RELL1: variants seen among roughly 807,000 people sequenced by gnomAD.
The protein encoded by RELL1 is RELT like 1.
Under a neutral mutation model 23.0 loss-of-function variants are expected in RELL1, and 10 were observed. The observed-to-expected ratio is 0.43, with a 90% confidence interval of 0.27 to 0.74. The LOEUF (loss-of-function observed/expected upper bound fraction) is 0.74. Ranked by LOEUF, RELL1 falls within the 30% of genes least tolerant of loss-of-function variation. The probability of loss-of-function intolerance (pLI) is 0.19; values close to 1 mark genes in which losing one functional copy is unlikely to be tolerated. For synonymous variants in RELL1, 146 were observed against 146.8 expected, an observed-to-expected ratio of 0.99 and a Z score of 0.04; for missense variants, 315 against 364.4, an observed-to-expected ratio of 0.86 and a Z score of 1.10.
At chr4:37,634,483 G>C (rs1720250585) in intron 5 of RELL1, among the ~76,000 whole-genome samples, 1 of 152,206 alleles carries the variant, frequency 6.6e-6, no homozygotes, top group African/African-American at 2.4e-5. Flanking sequence ...CCACAGACCT[G>C]CTCCTTTGGC....
chr4:37,661,624 T>A (rs1006368875), intron 1 of RELL1, among the ~76,000 whole-genome samples: 2 of 152,134 alleles, frequency 1.3e-5, no homozygotes, highest in African/African-American at 4.8e-5. Flanking sequence ...CCCACAATAA[T>A]AAAAGAAGAG....
chr4:37,626,690 CA>C (rs1022640568), intron 6 of RELL1, among the ~76,000 whole-genome samples: 20 of 152,140 alleles, frequency 1.3e-4, no homozygotes, highest in Admixed American at 1.2e-3. Context: ...CATAATGAAA[CA>C]CTGTTCGGCC....
chr4:37,651,616 C>T (rs1051588731), intron 1 of RELL1, among the ~76,000 whole-genome samples: 2 of 152,160 alleles, frequency 1.3e-5, no homozygotes, highest in African/African-American at 2.4e-5. Context: ...GGTGAAACCC[C>T]ACCTCCATGC....
At chr4:37,660,089 T>C (rs892083751) in intron 1 of RELL1, among the ~76,000 whole-genome samples, 4 of 151,702 alleles carry the variant, frequency 2.6e-5, no homozygotes, top group Admixed American at 2.6e-4. Flanking sequence ...TATTTATTTA[T>C]TTATTTATTT....
At chr4:37,654,293 A>G (rs1577592715) in intron 1 of RELL1, among the ~76,000 whole-genome samples, 1 of 152,348 alleles carries the variant, frequency 6.6e-6, no homozygotes, top group East Asian at 1.9e-4. Flanking sequence ...CCCAGTGGCC[A>G]TGTGTGGCTA....
rs576012620 is a variant in RELL1 at position 37,679,659 on chromosome 4, A to G, written c.88+6541T>C. ...GTCAAGATAGAATAATATATACCAT[A>G]GAACCACACATTAGGCTGGGTGTGG... On this transcript the variant is annotated intron_variant, in intron 1 of 6. Transcript: ENST00000454158. Among the ~76,000 whole-genome samples, 17 of 152,336 alleles carry G rather than the reference A, an allele frequency of 1.1e-4. No homozygotes were observed. In the South Asian group the frequency reaches 2.9e-3, roughly 26 times the overall value.
At chr4:37,680,931 CAAAAAAAAAAAA>C (rs397992973) in intron 1 of RELL1, among the ~76,000 whole-genome samples, 22 of 73,644 alleles carry the variant, frequency 3.0e-4, no homozygotes, top group African/African-American at 9.3e-4. Context: ...CACTCCATCT[CAAAAAAAAAAAA>C]AAAAAAAAAA....
intron 6 of RELL1, among the ~76,000 whole-genome samples, chr4:37,600,690 A>T (rs903046576): frequency 1.3e-5 from 2 of 152,162 alleles, no homozygotes; most frequent in African/African-American, 4.8e-5. Flanking sequence ...TTTTTAATAC[A>T]AAACAGAAAC....
chr4:37,629,673 C>T (rs1367678002), intron 6 of RELL1, among the ~76,000 whole-genome samples: 2 of 152,094 alleles, frequency 1.3e-5, no homozygotes, highest in African/African-American at 4.8e-5. Flanking sequence ...CAGGCAAAAC[C>T]GCGAGGGCTA....
chr4:37,597,602 G>T (rs2109480875), intron 6 of RELL1, among the ~76,000 whole-genome samples: 1 of 152,318 alleles, frequency 6.6e-6, no homozygotes, highest in Middle Eastern at 3.4e-3. Flanking sequence ...CAGCCGACGT[G>T]CTGCTCTCTC....
At chr4:37,674,381 C>T (rs1721947239) in intron 1 of RELL1, among the ~76,000 whole-genome samples, 1 of 152,260 alleles carries the variant, frequency 6.6e-6, no homozygotes, top group Non-Finnish European at 1.5e-5. Context: ...ACAATCACGA[C>T]TGTGAAATGA....
At chr4:37,647,069 T>C (rs1381220720) in intron 3 of RELL1, among the ~76,000 whole-genome samples, 2 of 152,162 alleles carry the variant, frequency 1.3e-5, no homozygotes, top group East Asian at 3.9e-4. Context: ...AAACTCTACC[T>C]CATGAAACAA....
chr4:37,623,078 C>T, intron 6 of RELL1: 6 of 330,408 alleles, frequency 1.8e-5, no homozygotes, highest in South Asian at 1.4e-4. Context: ...GCTGAGATTA[C>T]AGGTGTGAGC....
intron 5 of RELL1, 91 bp downstream of exon 5, chr4:37,634,796 G>T (rs1378257756): frequency 9.2e-7 from 1 of 1,087,352 alleles, no homozygotes; most frequent in South Asian, 1.3e-5. Context: ...CAGGCACAGA[G>T]AACATATTCT....
downstream of RELL1, among the ~76,000 whole-genome samples, chr4:37,607,870 G>A (rs373910141): frequency 2.6e-5 from 4 of 152,182 alleles, no homozygotes; most frequent in Non-Finnish European, 5.9e-5. Flanking sequence ...TTACAGGCGT[G>A]AGCCACTGCG....
intron 6 of RELL1, among the ~76,000 whole-genome samples, chr4:37,624,418 CTTTTT>C (rs35118296): frequency 3.6e-5 from 4 of 111,316 alleles, no homozygotes; most frequent in African/African-American, 3.6e-5. Context: ...TTCTTTCTTT[CTTTTT>C]TTTTTTTTTT....
intron 1 of RELL1, among the ~76,000 whole-genome samples, chr4:37,681,874 G>A (rs981926831): frequency 6.6e-6 from 1 of 152,142 alleles, no homozygotes; most frequent in Non-Finnish European, 1.5e-5. Context: ...TTAAGGCTTG[G>A]TGCTCTTTCC....
downstream of RELL1, among the ~76,000 whole-genome samples, chr4:37,605,836 AAAGAAAGAAG>A (rs1719191179): frequency 8.1e-6 from 1 of 123,130 alleles, no homozygotes; most frequent in African/African-American, 2.6e-5. Context: ...AGAAAGAAAG[AAAGAAAGAAG>A]GAAAAGAAAA....
chr4:37,604,523 A>G (rs533420390), intron 6 of RELL1, among the ~76,000 whole-genome samples: 1 of 152,026 alleles, frequency 6.6e-6, no homozygotes, highest in Non-Finnish European at 1.5e-5. Flanking sequence ...GCACACACAC[A>G]CGCACACTCC....
Sources: gnomAD v4.1 joint callset for allele counts (sites outside exome capture counted in the v4.1 genomes callset) on GRCh38, gnomAD v4.1.1 for gene constraint, MANE v1.5 for transcripts, NCBI Gene and HGNC (gene_info 2026-07-23, HGNC 2026-07-21) for gene names.